PPARGC1B: variants seen among roughly 807,000 people sequenced by gnomAD.
The protein encoded by PPARGC1B is PPARG coactivator 1 beta.
PPARGC1B carries 34 observed loss-of-function variants against 101.6 expected under a neutral mutation model. The observed-to-expected ratio is 0.33, with a 90% CI of 0.25 to 0.45. The LOEUF (loss-of-function observed/expected upper bound fraction) is 0.45. Among genes scored for constraint, PPARGC1B ranks in the 20% least tolerant of loss-of-function variants. The pLI is 1.00. For synonymous variants in PPARGC1B, 548 were observed against 539.3 expected (o/e 1.02, Z -0.22); for missense variants, 1,234 against 1,317.6 (o/e 0.94, Z 0.98).
intron 10 of PPARGC1B, among the ~76,000 whole-genome samples, chr5:149,845,101 A>G (rs1759501275): frequency 6.6e-6 from 1 of 151,996 alleles, no homozygotes. Flanking sequence ...TTGCCCTGGC[A>G]CCCTGAGCCT....
At chr5:149,780,844 T>G (rs1057148769) in intron 1 of PPARGC1B, among the ~76,000 whole-genome samples, 8 of 152,054 alleles carry the variant, frequency 5.3e-5, no homozygotes, top group East Asian at 3.9e-4. Context: ...CCTGCAAACA[T>G]TGGCACGGGA....
chr5:149,816,381 A>G lies in PPARGC1B; in HGVS notation c.79-4052A>G, dbSNP rs989259365. Among the ~76,000 whole-genome samples, 6 of 152,366 alleles carry G rather than the reference A, an allele frequency of 3.9e-5. No homozygotes were observed. In the South Asian group the frequency reaches 6.2e-4, roughly 16 times the overall value. ...TCACCGGATGACCCCGAACAAATCC[A>G]TTATCCTCTTTGGGTCTCAGTTTCC... On this transcript the variant is annotated intron_variant, in intron 1 of 11. Coordinates refer to ENST00000309241, the MANE Select transcript of PPARGC1B (RefSeq NM_133263.4).
intron 1 of PPARGC1B, among the ~76,000 whole-genome samples, chr5:149,799,221 G>A (rs1376968392): frequency 2.0e-5 from 3 of 152,170 alleles, no homozygotes; most frequent in African/African-American, 7.2e-5. Context: ...GGACCATGAC[G>A]AGGTTTGGTG....
In PPARGC1B at chr5:149,837,888, C is replaced by T. The variant is rs1238956043; in HGVS notation, c.2618+815C>T. ...TAGATGCTGCTCTTGGGCTAGAGCC[C>T]AGCTGCCGAATCCGCTGCAGGATTT... On this transcript the variant is annotated intron_variant, in intron 8 of 11. Coordinates refer to ENST00000309241, the MANE Select transcript of PPARGC1B (RefSeq NM_133263.4). This position sits in a 1 kb window ranked among gnomAD's most constrained non-coding sequence, Gnocchi z 4.2. Among the ~76,000 whole-genome samples the T allele has an allele frequency of 3.3e-5, 5 of 152,150 alleles. No homozygotes were observed.
chr5:149,829,470 T>C (rs1203417058), intron 3 of PPARGC1B, among the ~76,000 whole-genome samples: 2 of 152,128 alleles, frequency 1.3e-5, no homozygotes, highest in African/African-American at 4.8e-5. Context: ...CTCCTGGCCT[T>C]TGGCATTCCT....
chr5:149,845,920 C>T lies in PPARGC1B; in HGVS notation c.2971+6C>T. On this transcript the variant is annotated splice_donor_region_variant and intron_variant, in intron 11 of 11. Transcript: ENST00000309241. ...GCCCAGATACACTGACTACGGTAAG[C>T]CCCTGAAACCCAGCCACAGTCTAGT... The T allele has an allele frequency of 6.2e-7, 1 of 1,614,232 alleles. No homozygotes were observed. Among genetic ancestry groups the T allele is most frequent in the Non-Finnish European group, 8.5e-7 (1 of 1,180,042 alleles).
At position 149,836,221 on chromosome 5, in the gene PPARGC1B, G is replaced by A. The variant is rs752420379; in HGVS notation, c.1808-42G>A. On this transcript the variant is annotated intron_variant, in intron 7 of 11. Transcript: ENST00000309241. ...TAGGGTCTTAGTGTCCCTTGGAGAA[G>A]TGATCTGTCTTTATCTTACCTTTCT... is the stretch of plus-strand genomic sequence containing the variant. The A allele has an allele frequency of 3.9e-5, 58 of 1,473,480 alleles. 2 individuals carry two copies. In the Middle Eastern group the frequency reaches 1.4e-3, roughly 37 times the overall value. The allele number at this position is 1,473,480 out of a possible 1,614,324, so 91.3% of individuals were successfully genotyped here. A position where few individuals can be genotyped will look rare whatever the true frequency, so the allele number is the denominator to read the frequency against.
intron 1 of PPARGC1B, among the ~76,000 whole-genome samples, chr5:149,749,409 C>A (rs2113113835): frequency 6.6e-6 from 1 of 152,276 alleles, no homozygotes; most frequent in East Asian, 1.9e-4. Context: ...AGACTTGTGG[C>A]CCTTCAGATC....
At chr5:149,759,797 G>A (rs1384769345) in intron 1 of PPARGC1B, among the ~76,000 whole-genome samples, 2 of 152,316 alleles carry the variant, frequency 1.3e-5, no homozygotes, top group African/African-American at 4.8e-5. Context: ...TGGCCTGGCT[G>A]CCAAGAGCCC....
intron 1 of PPARGC1B, among the ~76,000 whole-genome samples, chr5:149,795,699 C>G (rs1757185805): frequency 1.3e-5 from 2 of 152,142 alleles, no homozygotes; most frequent in Admixed American, 1.3e-4. Context: ...ATCTTGAGGC[C>G]TGGGATACTG....
chr5:149,803,718 C>T (rs1479475951), intron 1 of PPARGC1B, among the ~76,000 whole-genome samples: 1 of 152,272 alleles, frequency 6.6e-6, no homozygotes, highest in East Asian at 1.9e-4. Flanking sequence ...CAGTGCCACC[C>T]CCACCCCAGG....
intron 1 of PPARGC1B, among the ~76,000 whole-genome samples, chr5:149,739,188 C>A (rs1754827680): frequency 6.6e-6 from 1 of 152,198 alleles, no homozygotes; most frequent in Non-Finnish European, 1.5e-5. Flanking sequence ...AATCCCCATC[C>A]CTCCATCACC....
At position 149,783,230 on chromosome 5, in the gene PPARGC1B, G is replaced by T. The variant is rs550852746; in HGVS notation, c.79-37203G>T. ...TAAGATGTGCAGCCATCAATGGAAT[G>T]ATAGAACTCCATTTGCCATTTTGCC... On this transcript the variant is annotated intron_variant, in intron 1 of 11. Coordinates refer to ENST00000309241, the MANE Select transcript of PPARGC1B (RefSeq NM_133263.4). Among the ~76,000 whole-genome samples, 3 of 152,196 alleles carry T rather than the reference G, an allele frequency of 2.0e-5. No individual in the cohort carries two copies. The South Asian group carries it at 6.2e-4, about 32-fold the overall frequency.
chr5:149,791,973 G>A (rs1757038690), intron 1 of PPARGC1B, among the ~76,000 whole-genome samples: 1 of 152,190 alleles, frequency 6.6e-6, no homozygotes. Flanking sequence ...CTTGGCCTTG[G>A]GTTCCCTATG....
rs1759823547 is a variant in PPARGC1B at position 149,853,025 on chromosome 5, C to T, written c.*5467C>T. The T allele has an allele frequency of 6.6e-6, 1 of 152,106 alleles. No homozygotes were observed. The highest frequency in any genetic ancestry group is 2.4e-5 in the African/African-American group (1 of 41,412). 9.4% of individuals were successfully genotyped at this position (152,106 alleles called of 1,614,324 possible). A position where few individuals can be genotyped will look rare whatever the true frequency, so the allele number is the denominator to read the frequency against. On this transcript the variant is annotated 3_prime_UTR_variant, in exon 12 of 12. Transcript: ENST00000309241. This position sits in a 1 kb window ranked among gnomAD's most constrained non-coding sequence, Gnocchi z 4.2. ...GTCCCTGGGCTGTGCAACAACTCCT[C>T]AAAGAGGGGTTTATATAACTAGAAC...
chr5:149,783,091 A>AAGAGAGAGAGAG (rs56799682), intron 1 of PPARGC1B, among the ~76,000 whole-genome samples: 177 of 150,040 alleles, frequency 1.2e-3, no homozygotes, highest in African/African-American at 3.8e-3. Flanking sequence ...ATGAGAGATA[A>AAGAGAGAGAGAG]AGAGAGAGAG....
intron 1 of PPARGC1B, among the ~76,000 whole-genome samples, chr5:149,789,818 T>G (rs1756949112): frequency 6.6e-6 from 1 of 152,222 alleles, no homozygotes; most frequent in African/African-American, 2.4e-5. Context: ...TCTAGATCCT[T>G]TCTTGTTCAG....
At position 149,730,362 on chromosome 5, in the gene PPARGC1B, G is replaced by A; in HGVS notation, c.20G>A (p.Gly7Asp). 1 of 1,568,968 alleles carries A rather than the reference G, an allele frequency of 6.4e-7. No individual in the cohort carries two copies. The highest frequency in any genetic ancestry group is 8.6e-7 in the Non-Finnish European group (1 of 1,160,422). The stretch of plus-strand genomic sequence containing the variant: ...TGGAAGATGGCGGGGAACGACTGCG[G>A]CGCGCTGCTGGACGAAGAGCTCTCC... The part of the protein sequence containing the change: MAGNDC[G>D]ALLDEELSSF... Residue 7 changes from glycine (G) to aspartate (D), a missense_variant, in exon 1 of 12, where the codon GGC becomes GAC. Physicochemically the swap from Gly to Asp is moderately conservative, Grantham distance 94. Around this residue, in one of 3 missense-constraint regions of PPARGC1B, gnomAD observed 734 missense variants for 768.4 expected, o/e 0.96. Transcript: ENST00000309241. The surrounding 1 kb of genome is among the most constrained non-coding windows in gnomAD (Gnocchi z 4.0).
At chr5:149,776,133 C>A (rs1299762786) in intron 1 of PPARGC1B, among the ~76,000 whole-genome samples, 2 of 146,440 alleles carry the variant, frequency 1.4e-5, no homozygotes, top group Non-Finnish European at 3.1e-5. Context: ...TCTTTTTGAA[C>A]CCCTGTACAT....
Sources: allele counts gnomAD v4.1 joint callset (sites outside exome capture counted in the v4.1 genomes callset), GRCh38; gene constraint gnomAD v4.1.1; regional missense constraint gnomAD v4.1.1; non-coding constraint Gnocchi (gnomAD v3.1); transcripts MANE v1.5; gene names NCBI Gene and HGNC (gene_info 2026-07-23, HGNC 2026-07-21).